The following PAM variants were observed in gnomAD, a reference collection of about 807,000 sequenced individuals.
PAM encodes the protein peptidylglycine alpha-amidating monooxygenase.
Under a neutral mutation model 122.1 loss-of-function variants are expected in PAM, and 72 were observed. The observed-to-expected ratio is 0.59, with a 90% CI of 0.49 to 0.72. The LOEUF (loss-of-function observed/expected upper bound fraction) is 0.72. PAM is among the 30% of genes least tolerant of loss of function. PAM has a pLI of 0.00. For missense variants in PAM, 1,106 were observed against 1,183.7 expected (o/e 0.93, Z 0.96); for synonymous variants, 389 against 404.4 (o/e 0.96, Z 0.46).
chr5:102,774,319 A>G (rs929585264), intron 1 of PAM, among the ~76,000 whole-genome samples: 1 of 152,084 alleles, frequency 6.6e-6, no homozygotes, highest in African/African-American at 2.4e-5. Flanking sequence ...TGGTTGAACT[A>G]ATTTACACTC....
At chr5:102,868,701 A>G (rs980938323) in intron 3 of PAM, among the ~76,000 whole-genome samples, 5 of 150,338 alleles carry the variant, frequency 3.3e-5, no homozygotes, top group Admixed American at 6.6e-5. Flanking sequence ...AATATCCACT[A>G]ATTGGGTTTT....
chr5:102,951,707 A>G lies in PAM; in HGVS notation c.905+887A>G, dbSNP rs114419226. On this transcript the variant is annotated intron_variant, in intron 12 of 25. Transcript: ENST00000438793. Reference sequence around the variant, plus strand: ...AAAGGAAAGCAGGAGCATTTGATATAGTGTAAAAGAATTTTTATGTCACTC... The same window carrying G: ...AAAGGAAAGCAGGAGCATTTGATATGGTGTAAAAGAATTTTTATGTCACTC... Among the ~76,000 whole-genome samples the G allele has an allele frequency of 7.3e-3, 1,114 of 152,238 alleles. 8 individuals carry two copies. Among genetic ancestry groups the G allele is most frequent in the Non-Finnish European group, 0.012 (844 of 67,986 alleles).
chr5:102,841,884 A>C (rs1778731305), intron 1 of PAM, among the ~76,000 whole-genome samples: 2 of 152,220 alleles, frequency 1.3e-5, no homozygotes, highest in African/African-American at 4.8e-5. Flanking sequence ...ATGGATAGTT[A>C]GATCAATGAA....
At chr5:102,806,613 T>C (rs1365035645) in intron 1 of PAM, among the ~76,000 whole-genome samples, 3 of 152,180 alleles carry the variant, frequency 2.0e-5, no homozygotes. Context: ...ACACAGAGTT[T>C]TGTACTGTTA....
chr5:102,893,556 T>C (rs1795330268), intron 3 of PAM, among the ~76,000 whole-genome samples: 1 of 151,850 alleles, frequency 6.6e-6, no homozygotes, highest in African/African-American at 2.4e-5. Flanking sequence ...TTTCTAAAAG[T>C]CATCTACTTT....
chr5:102,806,569 T>A (rs934193709), intron 1 of PAM, among the ~76,000 whole-genome samples: 1 of 152,222 alleles, frequency 6.6e-6, no homozygotes, highest in Non-Finnish European at 1.5e-5. Flanking sequence ...TGAATATATG[T>A]GTGATATATA....
In PAM at chr5:102,945,959, C is replaced by T. The variant is rs370873850; in HGVS notation, c.527-878C>T. 2.3e-4 allele frequency among the ~76,000 whole-genome samples: 35 copies of T among 152,230 alleles called. No individual in the cohort carries two copies. The East Asian group carries it at 5.2e-3, about 23-fold the overall frequency. On this transcript the variant is annotated intron_variant, in intron 7 of 25. Coordinates refer to ENST00000438793, the MANE Select transcript of PAM (RefSeq NM_001177306.2). The stretch of plus-strand genomic sequence containing the variant: ...GAGGTTTCATATCTTGTGGCCCAAG[C>T]ACTGTATTACAACAGAAGGACAAAG...
chr5:102,974,278 AG>A lies in PAM; in HGVS notation c.1328del (p.Gly443ValfsTer22). On this transcript the variant is annotated frameshift_variant, in exon 15 of 26. Transcript: ENST00000438793. LOFTEE classifies it high-confidence loss of function. ...KKDLGRSDAR[E>X]GAEHERGNAI... ...GATCTTGGTCGATCTGATGCCAGAG[AG>A]GGTGCAGAACATGAGAGGGGTAATG... 6.2e-7 allele frequency: 1 copy of A among 1,614,100 alleles called. No individual in the cohort carries two copies.
intron 16 of PAM, among the ~76,000 whole-genome samples, chr5:102,995,424 A>G (rs779916290): frequency 2.0e-5 from 3 of 152,092 alleles, no homozygotes; most frequent in Non-Finnish European, 4.4e-5. Context: ...TGGGAGATTT[A>G]CCAATTCAGT....
chr5:102,861,254 A>G (rs1422137613), intron 1 of PAM, among the ~76,000 whole-genome samples: 1 of 152,200 alleles, frequency 6.6e-6, no homozygotes, highest in Non-Finnish European at 1.5e-5. Context: ...TTCCTGATAC[A>G]CAGAAACTTT....
intron 1 of PAM, among the ~76,000 whole-genome samples, chr5:102,834,790 G>C (rs1450286139): frequency 6.6e-6 from 1 of 152,102 alleles, no homozygotes; most frequent in East Asian, 1.9e-4. Context: ...GAGATCCCTG[G>C]GATGGGATAG....
intron 1 of PAM, among the ~76,000 whole-genome samples, chr5:102,835,030 T>C (rs1218855793): frequency 6.6e-6 from 1 of 152,156 alleles, no homozygotes; most frequent in Non-Finnish European, 1.5e-5. Flanking sequence ...CTTTTCCCCT[T>C]GTGGTTCAAA....
At chr5:102,855,486 C>A (rs1294919333) in intron 1 of PAM, among the ~76,000 whole-genome samples, 2 of 152,006 alleles carry the variant, frequency 1.3e-5, no homozygotes, top group African/African-American at 4.8e-5. Flanking sequence ...ATGGATAGCA[C>A]CAGAAACAGA....
intron 1 of PAM, among the ~76,000 whole-genome samples, chr5:102,792,987 A>G (rs1220264751): frequency 6.6e-6 from 1 of 152,078 alleles, no homozygotes; most frequent in Non-Finnish European, 1.5e-5. Flanking sequence ...TCATTCCTCT[A>G]AAAAAATCTC....
chr5:102,764,490 G>T (rs747415630), intron 1 of PAM, among the ~76,000 whole-genome samples: 3 of 152,034 alleles, frequency 2.0e-5, no homozygotes, highest in African/African-American at 7.2e-5. Flanking sequence ...GCGGTAACAG[G>T]TATAAGATAT....
intron 1 of PAM, among the ~76,000 whole-genome samples, chr5:102,843,367 C>T (rs1443563535): frequency 2.6e-5 from 4 of 151,938 alleles, no homozygotes; most frequent in Non-Finnish European, 4.4e-5. Flanking sequence ...TATACAAAAA[C>T]GAACACAAAA....
At chr5:102,814,654 T>C (rs2150238576) in intron 1 of PAM, among the ~76,000 whole-genome samples, 1 of 151,098 alleles carries the variant, frequency 6.6e-6, no homozygotes, top group South Asian at 2.1e-4. Context: ...TTAAAAGCTA[T>C]TATTGTTTTA....
chr5:103,002,766 T>G (rs966489245), intron 16 of PAM, among the ~76,000 whole-genome samples: 1 of 152,198 alleles, frequency 6.6e-6, no homozygotes, highest in Admixed American at 6.6e-5. Flanking sequence ...CCAAGGGTCT[T>G]GTGAAAATGC....
chr5:102,946,324 G>T (rs769113115), intron 7 of PAM, among the ~76,000 whole-genome samples: 28 of 151,978 alleles, frequency 1.8e-4, no homozygotes, highest in Non-Finnish European at 3.4e-4. Context: ...TGTACTGGAA[G>T]AAATTTAAAG....
Sources: allele counts gnomAD v4.1 joint callset (sites outside exome capture counted in the v4.1 genomes callset), GRCh38; gene constraint gnomAD v4.1.1; transcripts MANE v1.5; gene names NCBI Gene and HGNC (gene_info 2026-07-23, HGNC 2026-07-21).